The following BRMS1 variants were observed in gnomAD, a reference collection of about 807,000 sequenced individuals.
BRMS1 encodes BRMS1 transcriptional repressor and anoikis regulator.
BRMS1 carries 26 observed loss-of-function variants against 40.4 expected under a neutral mutation model. The observed-to-expected ratio is 0.64, with a 90% CI of 0.47 to 0.89. The LOEUF (loss-of-function observed/expected upper bound fraction) is 0.89, where lower values mean the gene tolerates loss of function less well. BRMS1 is among the 40% of genes least tolerant of loss of function. The pLI, the probability that BRMS1 is intolerant of heterozygous loss-of-function variation, is 0.00. For synonymous variants in BRMS1, 103 were observed against 116.0 expected (o/e 0.89, Z 0.72); for missense variants, 289 against 309.4 (o/e 0.93, Z 0.49).
intron 1 of BRMS1, among the ~76,000 whole-genome samples, chr11:66,343,627 T>C (rs188719006): frequency 1.1e-4 from 17 of 152,198 alleles, no homozygotes; most frequent in African/African-American, 4.1e-4. Context: ...GTAGAGTCAG[T>C]AGCAAAGACC....
Position 66,340,130 on chromosome 11 carries a change from G to A in BRMS1, c.619C>T (p.Leu207=), listed in dbSNP as rs1219970943. The A allele has an allele frequency of 6.2e-7, 1 of 1,613,522 alleles. No homozygotes were observed. The highest frequency in any genetic ancestry group is 2.2e-5 in the East Asian group (1 of 44,882). Reference sequence around the variant, plus strand: ...TTGGGTGAAAGGATACCAGAAACCAGAGGTGCCTTCTTCCTCTTGCTGGGC... The same window carrying A: ...TTGGGTGAAAGGATACCAGAAACCAAAGGTGCCTTCTTCCTCTTGCTGGGC... ...LPPSKRKKAP[L]VSGPYIVYML... Residue 207 remains leucine, a synonymous_variant, in exon 7 of 10, where the codon CTG becomes TTG. Coordinates refer to ENST00000359957, the MANE Select transcript of BRMS1 (RefSeq NM_015399.4).
At chr11:66,338,095 G>A (rs942872961) in intron 9 of BRMS1, 148 bp downstream of exon 9, 2 of 1,240,392 alleles carry the variant, frequency 1.6e-6, no homozygotes, top group African/African-American at 1.5e-5. Context: ...ACTCCCACAA[G>A]CCCCTCAAAT....
rs150653493 is a variant in BRMS1 at position 66,338,247 on chromosome 11, C to T, written c.729G>A (p.Ser243=). 296 of 1,611,466 alleles carry T rather than the reference C, an allele frequency of 1.8e-4. 1 individual carries two copies. The Admixed American group carries it at 2.4e-3, about 13-fold the overall frequency. ...TGCAACAGCCATGGTTCTTACCATC[C>T]GATTTTCTCTTCTGAGGGGACACAG... is the stretch of plus-strand genomic sequence containing the variant. ...RAAVSPQKRK[S]DGP is the part of the protein sequence containing the mutation. The change falls in exon 9 of 10, where the codon TCG becomes TCA. Residue 243 remains serine, a synonymous_variant. Transcript: ENST00000359957.
chr11:66,343,671 A>G (rs1268165504), intron 1 of BRMS1, among the ~76,000 whole-genome samples: 1 of 152,184 alleles, frequency 6.6e-6, no homozygotes. Flanking sequence ...CTGGGGGAAC[A>G]TGGGTCTAAG....
rs918635480 is a variant in BRMS1, at chr11:66,338,271, A to G, written c.705T>C (p.Ala235=). ...DWTAIKKARA[A]VSPQKRKSDG... ...CCGATTTTCTCTTCTGAGGGGACAC[A>G]GCTGCCCTAGCCTGGGTGGGTGAGA... The change falls in exon 9 of 10, where the codon GCT becomes GCC. Residue 235 remains alanine (A), a synonymous_variant. Coordinates refer to ENST00000359957, the MANE Select transcript of BRMS1 (RefSeq NM_015399.4). 1.2e-6 allele frequency: 2 copies of G among 1,610,746 alleles called. No individual in the cohort carries two copies. The highest frequency in any genetic ancestry group is 1.7e-5 in the Admixed American group (1 of 59,632).
Position 66,341,800 on chromosome 11 carries a change from G to T in BRMS1, c.140-177C>A. 1 of 688,562 alleles carries T rather than the reference G, an allele frequency of 1.5e-6. No homozygotes were observed. The highest frequency in any genetic ancestry group is 1.6e-5 in the South Asian group (1 of 60,656). The allele number at this position is 688,562 out of a possible 1,614,324, so 42.7% of individuals were successfully genotyped here. On this transcript the variant is annotated intron_variant, in intron 2 of 9. Transcript: ENST00000359957. The surrounding 1 kb of genome is among the most constrained non-coding windows in gnomAD (Gnocchi z 4.9). ...GTGTGTGCGTGTGTGCTTGTGTGTA[G>T]GGGCTGTGTGTGCATATGCGTGCGT...
At position 66,337,683 on chromosome 11, in the gene BRMS1, C is replaced by G. The variant is rs1854951544; in HGVS notation, c.*199G>C. 1 of 1,581,220 alleles carries G rather than the reference C, an allele frequency of 6.3e-7. No homozygotes were observed. The highest frequency in any genetic ancestry group is 1.1e-5 in the South Asian group (1 of 87,822). On this transcript the variant is annotated 3_prime_UTR_variant, in exon 10 of 10. Coordinates refer to ENST00000359957, the MANE Select transcript of BRMS1 (RefSeq NM_015399.4). ...CCTGGTCAGGTCAGCTCCACGGCCA[C>G]AGCTGTGCAGGCCTCGAGGAGGGCA...
At chr11:66,342,287 G>T in intron 1 of BRMS1, 46 bp from the exon 2 acceptor site, 1 of 1,599,676 alleles carries the variant, frequency 6.3e-7, no homozygotes, top group Non-Finnish European at 8.5e-7. Flanking sequence ...CCACAGCTCA[G>T]AGGGGGAAAG....
intron 9 of BRMS1, among the ~76,000 whole-genome samples, 158 bp from the exon 10 acceptor site, chr11:66,338,047 A>T (rs113566680): frequency 6.6e-6 from 1 of 152,182 alleles, no homozygotes; most frequent in Non-Finnish European, 1.5e-5. Flanking sequence ...CCATCAACCC[A>T]GAGCTTCCCC....
rs1393460634 is a variant in BRMS1 at position 66,337,859 on chromosome 11, C to T, written c.*23G>A. ...GTGCAGTGCCAGCTGCTCTGAGGGT[C>T]CCCCTGGCTGTGAACAGCAGGGTCA... On this transcript the variant is annotated 3_prime_UTR_variant, in exon 10 of 10. Coordinates refer to ENST00000359957, the MANE Select transcript of BRMS1 (RefSeq NM_015399.4). 5 of 1,614,006 alleles carry T rather than the reference C, an allele frequency of 3.1e-6. No homozygotes were observed. The highest frequency in any genetic ancestry group is 2.7e-5 in the African/African-American group (2 of 74,942).
rs766466043 is a variant in BRMS1, at chr11:66,337,715, G to T, written c.*167C>A. The stretch of plus-strand genomic sequence containing the variant: ...GCAGGCCTCGAGGAGGGCAGAGGAG[G>T]AGTCCAGGCCAGTGCCAGATGGAGT... On this transcript the variant is annotated 3_prime_UTR_variant, in exon 10 of 10. Transcript: ENST00000359957. 30 of 1,608,482 alleles carry T rather than the reference G, an allele frequency of 1.9e-5. No individual in the cohort carries two copies. Among genetic ancestry groups the T allele is most frequent in the African/African-American group, 1.6e-4 (12 of 74,832 alleles).
intron 6 of BRMS1, among the ~76,000 whole-genome samples, 160 bp from the exon 7 acceptor site, chr11:66,340,373 C>T (rs1259522909): frequency 6.6e-6 from 1 of 152,126 alleles, no homozygotes; most frequent in African/African-American, 2.4e-5. Flanking sequence ...TCAGGTCCTG[C>T]CTGCACAGCT....
At position 66,341,061 on chromosome 11, in the gene BRMS1, A is replaced by T; in HGVS notation, c.359-15T>A. On this transcript the variant is annotated splice_polypyrimidine_tract_variant and intron_variant, in intron 4 of 9. Coordinates refer to ENST00000359957, the MANE Select transcript of BRMS1 (RefSeq NM_015399.4). This position sits in a 1 kb window ranked among gnomAD's most constrained non-coding sequence, Gnocchi z 4.9. The stretch of plus-strand genomic sequence containing the variant: ...CTTGTAGATCCCTGCAGAGAAAGGG[A>T]GGAGGGTCCCTGCTTGGCTGGGGAG... 1 of 1,613,562 alleles carries T rather than the reference A, an allele frequency of 6.2e-7. No homozygotes were observed. Among genetic ancestry groups the T allele is most frequent in the Non-Finnish European group, 8.5e-7 (1 of 1,179,962 alleles).
In BRMS1 at chr11:66,341,723, G is replaced by T; in HGVS notation, c.140-100C>A. On this transcript the variant is annotated intron_variant, in intron 2 of 9. Transcript: ENST00000359957. The surrounding 1 kb of genome is among the most constrained non-coding windows in gnomAD (Gnocchi z 4.9). The stretch of plus-strand genomic sequence containing the variant: ...CATGTGTGTGTGTGCATGCATGCCT[G>T]TGTGTAGGGCCTGTGTGTGTGTGCG... The T allele has an allele frequency of 1.0e-6, 1 of 994,380 alleles. No individual in the cohort carries two copies. Among genetic ancestry groups the T allele is most frequent in the Non-Finnish European group, 1.6e-6 (1 of 624,786 alleles). The allele number at this position is 994,380 out of a possible 1,614,324, so 61.6% of individuals were successfully genotyped here. A position where few individuals can be genotyped will look rare whatever the true frequency, so the allele number is the denominator to read the frequency against.
At chr11:66,338,874 G>T in intron 7 of BRMS1, 89 bp from the exon 8 acceptor site, 2 of 1,333,304 alleles carry the variant, frequency 1.5e-6, no homozygotes, top group Non-Finnish European at 2.1e-6. Context: ...GGGTACAGCG[G>T]ACAGCATGGA....
At chr11:66,338,696 T>C in intron 8 of BRMS1, 25 bp downstream of exon 8, 2 of 1,612,508 alleles carry the variant, frequency 1.2e-6, no homozygotes, top group Non-Finnish European at 1.7e-6. Flanking sequence ...GTGGGGCAGG[T>C]CACGTGGGCA....
chr11:66,340,925 T>A (rs1476164482), intron 5 of BRMS1, 42 bp downstream of exon 5: 1 of 1,613,422 alleles, frequency 6.2e-7, no homozygotes, highest in Non-Finnish European at 8.5e-7. Context: ...CACTTCAGGC[T>A]TTGTGCCCTG....
At chr11:66,339,125 G>A (rs1273734983) in intron 7 of BRMS1, among the ~76,000 whole-genome samples, 1 of 152,108 alleles carries the variant, frequency 6.6e-6, no homozygotes, top group East Asian at 1.9e-4. Flanking sequence ...TATCCCTTCA[G>A]AGACAACTCT....
At chr11:66,342,668 G>A (rs1385893710) in intron 1 of BRMS1, among the ~76,000 whole-genome samples, 2 of 152,192 alleles carry the variant, frequency 1.3e-5, no homozygotes, top group Admixed American at 1.3e-4. Context: ...CTGGGTTCAA[G>A]CGATTCTCCT....
Sources: allele counts gnomAD v4.1 joint callset (sites outside exome capture counted in the v4.1 genomes callset), GRCh38; gene constraint gnomAD v4.1.1; non-coding constraint Gnocchi (gnomAD v3.1); transcripts MANE v1.5; gene names NCBI Gene and HGNC (gene_info 2026-07-23, HGNC 2026-07-21).